Variants in ZBBX observed in about 807,000 individuals in gnomAD.
The protein encoded by ZBBX is zinc finger B-box domain containing, also known as zinc finger B-box domain-containing protein 1.
ZBBX carries 101 observed loss-of-function variants against 108.5 expected under a neutral mutation model. That is an observed-to-expected ratio of 0.93 (90% confidence interval 0.79 to 1.10). The LOEUF (loss-of-function observed/expected upper bound fraction) is 1.10, where lower values mean the gene tolerates loss of function less well. ZBBX is among the 50% of genes least tolerant of loss of function. The pLI is 0.00. For synonymous variants in ZBBX, 356 were observed against 323.4 expected, an observed-to-expected ratio of 1.10 and a Z score of -1.08; for missense variants, 1,009 against 941.4, an observed-to-expected ratio of 1.07 and a Z score of -0.94.
chr3:167,198,674 C>CA, the ZBBX span, among the ~76,000 whole-genome samples: 1 of 152,082 alleles, frequency 6.6e-6, no homozygotes, highest in Non-Finnish European at 1.5e-5. Flanking sequence ...TGAATGGAAA[C>CA]ACAAAGCTTT....
In ZBBX at chr3:167,353,131, G is replaced by A. The variant is rs565157215; in HGVS notation, c.433-2616C>T. On this transcript the variant is annotated intron_variant, in intron 8 of 21. Coordinates refer to ENST00000675490, the MANE Select transcript of ZBBX (RefSeq NM_001199201.2). ...CTGGAATTCCTAGCCAGAACAATCA[G>A]GCAAAAGAAAGAAATAAAAGGCATC... is the stretch of plus-strand genomic sequence containing the variant. Among the ~76,000 whole-genome samples the A allele has an allele frequency of 1.6e-4, 25 of 151,994 alleles. No individual in the cohort carries two copies. The South Asian group carries it at 4.2e-3, about 25-fold the overall frequency.
intron 8 of ZBBX, among the ~76,000 whole-genome samples, chr3:167,355,660 G>A (rs1384835348): frequency 2.0e-5 from 3 of 151,892 alleles, no homozygotes; most frequent in Admixed American, 6.6e-5. Context: ...TGCAATGACA[G>A]ATGCTAAGAA....
upstream of ZBBX, among the ~76,000 whole-genome samples, chr3:167,381,045 T>C (rs907014437): frequency 2.6e-5 from 4 of 152,106 alleles, no homozygotes; most frequent in African/African-American, 9.7e-5. Flanking sequence ...TACTGCACTG[T>C]ATAGGCTTCT....
chr3:167,262,231 C>T (rs1215978990), intron 20 of ZBBX, among the ~76,000 whole-genome samples: 3 of 152,114 alleles, frequency 2.0e-5, no homozygotes, highest in African/African-American at 7.2e-5. Context: ...CCAGGTCCTG[C>T]AGGAGCAGTC....
intron 9 of ZBBX, among the ~76,000 whole-genome samples, chr3:167,343,244 T>A (rs902290925): frequency 6.6e-6 from 1 of 151,864 alleles, no homozygotes. Flanking sequence ...TTTCAAAATT[T>A]CCTCAGCATA....
intron 20 of ZBBX, among the ~76,000 whole-genome samples, chr3:167,261,230 G>A (rs1724453346): frequency 6.6e-6 from 1 of 152,188 alleles, no homozygotes; most frequent in Admixed American, 6.5e-5. Flanking sequence ...TCCAGTGGAG[G>A]TGGCGGAGGG....
chr3:167,316,473 C>T (rs534272151), intron 14 of ZBBX, among the ~76,000 whole-genome samples: 16 of 152,054 alleles, frequency 1.1e-4, no homozygotes, highest in Non-Finnish European at 1.5e-4. Context: ...GTCCAGAGCT[C>T]TAGCTCTGAC....
In ZBBX at chr3:167,279,379, G is replaced by A. The variant is rs200681429; in HGVS notation, c.2254+2859C>T. ...TCTCAGCCCAAAATCTCCTTAAGCT[G>A]ATAAGCAACTTCAGCAATGTCTCAG... On this transcript the variant is annotated intron_variant, in intron 20 of 21. Coordinates refer to ENST00000675490, the MANE Select transcript of ZBBX (RefSeq NM_001199201.2). 6.1e-3 allele frequency among the ~76,000 whole-genome samples: 932 copies of A among 151,990 alleles called. 33 individuals are homozygous for A. The East Asian group carries it at 0.07, about 11-fold the overall frequency.
At chr3:167,184,348 T>C in the ZBBX span, among the ~76,000 whole-genome samples, 2 of 152,112 alleles carry the variant, frequency 1.3e-5, no homozygotes, top group Non-Finnish European at 2.9e-5. Flanking sequence ...AGGCTCCCTA[T>C]TCTTTATTCA....
upstream of ZBBX, among the ~76,000 whole-genome samples, chr3:167,381,527 A>G (rs534903644): frequency 6.6e-6 from 1 of 152,322 alleles, no homozygotes; most frequent in African/African-American, 2.4e-5. Flanking sequence ...GGTTGCTATT[A>G]ACGTGTTCAT....
At position 167,366,037 on chromosome 3, in the gene ZBBX, A is replaced by G. The variant is rs1399546302; in HGVS notation, c.183-61T>C. The stretch of plus-strand genomic sequence containing the variant: ...TAAACACATTTCTCCCTTTAATGAA[A>G]AGAAATACAGTGTTCCTGTTTCAGA... On this transcript the variant is annotated intron_variant, in intron 5 of 21. Transcript: ENST00000675490. The G allele has an allele frequency of 3.1e-6, 4 of 1,301,212 alleles. 1 individual carries two copies. The Admixed American group carries it at 7.7e-5, about 25-fold the overall frequency. The allele number at this position is 1,301,212 out of a possible 1,614,324, so 80.6% of individuals were successfully genotyped here. A position where few individuals can be genotyped will look rare whatever the true frequency, so the allele number is the denominator to read the frequency against.
At chr3:167,353,676 T>C (rs1257968533) in intron 8 of ZBBX, among the ~76,000 whole-genome samples, 2 of 151,958 alleles carry the variant, frequency 1.3e-5, no homozygotes, top group African/African-American at 2.4e-5. Context: ...TAATAAATTA[T>C]AACAGAGCAG....
the ZBBX span, among the ~76,000 whole-genome samples, chr3:167,224,955 A>G: frequency 1.3e-5 from 2 of 151,834 alleles, no homozygotes; most frequent in South Asian, 4.1e-4. Context: ...CTCCCCACAA[A>G]AATAGCTTCA....
rs564875521 is a variant in ZBBX, at chr3:167,376,508, T to A, written c.-131-2721A>T. Among the ~76,000 whole-genome samples, 3 of 152,300 alleles carry A rather than the reference T, an allele frequency of 2.0e-5. No individual in the cohort carries two copies. The South Asian group carries it at 6.2e-4, about 32-fold the overall frequency. On this transcript the variant is annotated intron_variant, in intron 2 of 21. Transcript: ENST00000675490. The stretch of plus-strand genomic sequence containing the variant: ...CTGATTATTAAAATAATCTAAATAA[T>A]CTAAATTGCTATAATTTTGCTTACA...
At chr3:167,326,644 G>A (rs1737427796) in intron 11 of ZBBX, among the ~76,000 whole-genome samples, 1 of 151,894 alleles carries the variant, frequency 6.6e-6, no homozygotes, top group Non-Finnish European at 1.5e-5. Context: ...GCATGAAGTA[G>A]CAAGCATAAA....
chr3:167,211,720 C>T, the ZBBX span, among the ~76,000 whole-genome samples: 2 of 151,554 alleles, frequency 1.3e-5, no homozygotes, highest in African/African-American at 2.4e-5. Context: ...CATGGCCAGA[C>T]TGCTACTTTA....
chr3:167,225,220 A>G, the ZBBX span, among the ~76,000 whole-genome samples: 15 of 151,890 alleles, frequency 9.9e-5, no homozygotes, highest in Non-Finnish European at 1.8e-4. Context: ...TTTCCACTAG[A>G]CACGTGTTTA....
At chr3:167,337,874 T>C (rs1161445773) in intron 9 of ZBBX, among the ~76,000 whole-genome samples, 1 of 152,174 alleles carries the variant, frequency 6.6e-6, no homozygotes, top group Non-Finnish European at 1.5e-5. Context: ...CTGTACCATA[T>C]ATTAATAAAA....
intron 1 of ZBBX, among the ~76,000 whole-genome samples, chr3:167,392,054 C>T (rs1652025556): frequency 6.6e-6 from 1 of 151,566 alleles, no homozygotes; most frequent in South Asian, 2.1e-4. Flanking sequence ...CAATCAATAC[C>T]CTCACCCACC....
Sources: allele counts gnomAD v4.1 joint callset (sites outside exome capture counted in the v4.1 genomes callset), GRCh38; gene constraint gnomAD v4.1.1; transcripts MANE v1.5; gene names NCBI Gene and HGNC (gene_info 2026-07-23, HGNC 2026-07-21).